RIMS1: variants seen among roughly 807,000 people sequenced by gnomAD.
RIMS1 encodes the protein regulating synaptic membrane exocytosis 1.
A neutral mutation model predicts 214.1 loss-of-function variants in RIMS1; 83 were observed. The ratio of observed to expected loss-of-function variants is 0.39; its 90% CI spans 0.32 to 0.47. The LOEUF is 0.47. Ranked by LOEUF, RIMS1 falls within the 20% of genes least tolerant of loss-of-function variation. The pLI, the probability that RIMS1 is intolerant of heterozygous loss-of-function variation, is 0.99. For missense variants in RIMS1, 2,050 were observed against 2,161.8 expected (o/e 0.95, Z 1.03); for synonymous variants, 793 against 786.8 (o/e 1.01, Z -0.13).
At chr6:72,384,408 G>A (rs999179333) in intron 29 of RIMS1, among the ~76,000 whole-genome samples, 1 of 152,058 alleles carries the variant, frequency 6.6e-6, no homozygotes, top group African/African-American at 2.4e-5. Flanking sequence ...ACTCCTCTCA[G>A]TCAGTTATCT....
At chr6:72,245,906 T>G in intron 11 of RIMS1, 45 bp downstream of exon 11, 6 of 1,337,084 alleles carry the variant, frequency 4.5e-6, no homozygotes, top group Non-Finnish European at 6.4e-6. Context: ...TTGAACTAAT[T>G]GAAAGTAAAG....
At chr6:72,378,563 C>T (rs2098431784) in intron 29 of RIMS1, among the ~76,000 whole-genome samples, 1 of 152,164 alleles carries the variant, frequency 6.6e-6, no homozygotes, top group South Asian at 2.1e-4. Flanking sequence ...GGTGTAGTGG[C>T]TTATGCCTGT....
chr6:72,305,987 C>T (rs2095114970), intron 26 of RIMS1, among the ~76,000 whole-genome samples: 1 of 152,030 alleles, frequency 6.6e-6, no homozygotes, highest in African/African-American at 2.4e-5. Flanking sequence ...CACTTGAACA[C>T]AATAAAAGTT....
chr6:72,242,537 G>A (rs1226439841), intron 10 of RIMS1, 100 bp downstream of exon 10: 3 of 822,902 alleles, frequency 3.6e-6, no homozygotes, highest in Non-Finnish European at 5.5e-6. Context: ...TGTTAACATG[G>A]ATAGTTTTTG....
chr6:72,168,009 A>G (rs929275515), intron 4 of RIMS1, among the ~76,000 whole-genome samples: 6 of 152,070 alleles, frequency 3.9e-5, no homozygotes, highest in African/African-American at 7.2e-5. Flanking sequence ...TGGAAATGGT[A>G]TGGATAATTT....
intron 26 of RIMS1, among the ~76,000 whole-genome samples, chr6:72,294,086 A>T (rs1355767984): frequency 6.6e-6 from 1 of 151,630 alleles, no homozygotes; most frequent in African/African-American, 2.4e-5. Context: ...GTTTTTTATG[A>T]TATAAATATG....
chr6:72,254,495 A>C (rs1330924164), intron 16 of RIMS1, among the ~76,000 whole-genome samples: 3 of 152,186 alleles, frequency 2.0e-5, no homozygotes, highest in Non-Finnish European at 4.4e-5. Flanking sequence ...CTGGTAGAAA[A>C]ATCATCACCT....
intron 2 of RIMS1, among the ~76,000 whole-genome samples, chr6:72,022,042 A>G (rs1814857595): frequency 6.6e-6 from 1 of 152,186 alleles, no homozygotes; most frequent in Non-Finnish European, 1.5e-5. Flanking sequence ...TTGTTATGAA[A>G]GAGAGAAAGA....
intron 12 of RIMS1, among the ~76,000 whole-genome samples, chr6:72,250,076 T>G (rs185501132): frequency 9.5e-4 from 144 of 152,272 alleles, no homozygotes; most frequent in African/African-American, 3.2e-3. Context: ...TAGTTTTATT[T>G]TATAAAATGA....
At chr6:72,316,864 G>A (rs1002038472) in intron 28 of RIMS1, 2 of 1,020,754 alleles carry the variant, frequency 2.0e-6, no homozygotes, top group Non-Finnish European at 3.1e-6. Context: ...TAGGAGGTGG[G>A]CAGCTGCCCC....
chr6:72,183,115 C>G lies in RIMS1; in HGVS notation c.1644C>G (p.Asp548Glu). 6.3e-7 allele frequency: 1 copy of G among 1,591,788 alleles called. No individual in the cohort carries two copies. Among genetic ancestry groups the G allele is most frequent in the South Asian group, 1.1e-5 (1 of 87,464 alleles). ...CGCCCGAGTACACCAGCTGCGAGGA[C>G]GTGGAGCTGGAGAGCGAGAGCGTCA... ...VSTPEYTSCE[D>E]VELESESVSE... Residue 548 changes from aspartate to glutamate, a missense_variant, in exon 6 of 34, where the codon GAC becomes GAG. Asp to Glu is a conservative substitution (Grantham distance 45, BLOSUM62 2). Coordinates refer to ENST00000521978, the MANE Select transcript of RIMS1 (RefSeq NM_014989.7).
intron 1 of RIMS1, among the ~76,000 whole-genome samples, chr6:71,901,448 A>T (rs1773574665): frequency 6.6e-6 from 1 of 152,196 alleles, no homozygotes; most frequent in African/African-American, 2.4e-5. Flanking sequence ...GGAATAAAAC[A>T]TTGATACATA....
intron 6 of RIMS1, among the ~76,000 whole-genome samples, chr6:72,192,017 A>G (rs747214303): frequency 5.9e-5 from 9 of 152,144 alleles, no homozygotes; most frequent in Non-Finnish European, 1.0e-4. Flanking sequence ...CTTTCCTACC[A>G]TAATAGTCCT....
At position 72,242,398 on chromosome 6, in the gene RIMS1, C is replaced by G; in HGVS notation, c.2042C>G (p.Ser681Ter). 6.4e-7 allele frequency: 1 copy of G among 1,561,246 alleles called. No individual in the cohort carries two copies. Among genetic ancestry groups the G allele is most frequent in the Non-Finnish European group, 8.7e-7 (1 of 1,151,146 alleles). The change falls in exon 10 of 34, where the codon TCA becomes TGA. Residue 681 changes from serine (S) to a stop codon, truncating the protein, a stop_gained. Coordinates refer to ENST00000521978, the MANE Select transcript of RIMS1 (RefSeq NM_014989.7). LOFTEE classifies it high-confidence loss of function. ...TACAACATTATTTTAGAATCAAAAT[C>G]AGAACCTCAAGTTGAAATTATTGTT... The part of the protein sequence containing the change: ...EVYNIILESK[S>*]EPQVEIIVSR...
At chr6:71,917,825 G>A (rs763935147) in intron 1 of RIMS1, among the ~76,000 whole-genome samples, 2 of 152,116 alleles carry the variant, frequency 1.3e-5, no homozygotes, top group Non-Finnish European at 2.9e-5. Context: ...TTTCAAAAGT[G>A]AAGCGAAAAG....
At chr6:72,180,689 TATC>T (rs1489410311) in intron 5 of RIMS1, among the ~76,000 whole-genome samples, 1 of 152,232 alleles carries the variant, frequency 6.6e-6, no homozygotes, top group Non-Finnish European at 1.5e-5. Context: ...ACAGAGCCCT[TATC>T]TTCATGAGGC....
intron 2 of RIMS1, among the ~76,000 whole-genome samples, chr6:72,009,518 A>C (rs1809416884): frequency 6.6e-6 from 1 of 151,954 alleles, no homozygotes; most frequent in Non-Finnish European, 1.5e-5. Context: ...ACCTTTCAAA[A>C]AATCAATTAA....
chr6:72,090,071 G>A (rs1229035166), intron 2 of RIMS1, among the ~76,000 whole-genome samples: 6 of 151,236 alleles, frequency 4.0e-5, no homozygotes, highest in South Asian at 2.1e-4. Flanking sequence ...CCTAATGCTA[G>A]ATGACGAGTT....
At chr6:72,142,879 C>G (rs2042241969) in intron 4 of RIMS1, among the ~76,000 whole-genome samples, 1 of 152,042 alleles carries the variant, frequency 6.6e-6, no homozygotes, top group South Asian at 2.1e-4. Flanking sequence ...AACAATTTAA[C>G]CTAGTATATG....
Sources: allele counts gnomAD v4.1 joint callset (sites outside exome capture counted in the v4.1 genomes callset), GRCh38; gene constraint gnomAD v4.1.1; transcripts MANE v1.5; gene names NCBI Gene and HGNC (gene_info 2026-07-23, HGNC 2026-07-21).